The following EIF4B variants were observed in gnomAD, a reference collection of about 807,000 sequenced individuals.
The protein encoded by EIF4B is eukaryotic translation initiation factor 4B.
A neutral mutation model predicts 79.3 loss-of-function variants in EIF4B; 8 were observed. That is an observed-to-expected ratio of 0.10 (90% CI 0.06 to 0.18). The LOEUF is 0.18. Ranked by LOEUF, EIF4B falls within the 10% of genes least tolerant of loss-of-function variation. The pLI is 1.00. For missense variants in EIF4B, 515 were observed against 792.4 expected (o/e 0.65, Z 4.20); for synonymous variants, 238 against 274.7 (o/e 0.87, Z 1.32).
At chr12:53,025,870 G>T (rs1178961268) in intron 6 of EIF4B, among the ~76,000 whole-genome samples, 3 of 152,160 alleles carry the variant, frequency 2.0e-5, no homozygotes, top group African/African-American at 7.2e-5. Context: ...CACTTTGGGA[G>T]GCGGAGGCGG....
At chr12:53,017,938 C>T (rs553646752) in intron 2 of EIF4B, among the ~76,000 whole-genome samples, 229 of 152,300 alleles carry the variant, frequency 1.5e-3, no homozygotes, top group Admixed American at 5.4e-3. Context: ...GTGTTGGTAT[C>T]TGAAGTACAA....
chr12:53,037,966 C>G, intron 11 of EIF4B: 1 of 315,656 alleles, frequency 3.2e-6, no homozygotes, highest in Non-Finnish European at 5.9e-6. Flanking sequence ...AGCAAAATAG[C>G]AACACTATTA....
intron 8 of EIF4B, among the ~76,000 whole-genome samples, chr12:53,033,446 A>C (rs1943483917): frequency 6.7e-6 from 1 of 150,124 alleles, no homozygotes; most frequent in Non-Finnish European, 1.5e-5. Flanking sequence ...AGGTTCAAGC[A>C]ATTCTCTTGC....
intron 11 of EIF4B, 50 bp from the exon 12 acceptor site, chr12:53,038,306 G>C (rs1461810942): frequency 7.2e-6 from 11 of 1,520,334 alleles, no homozygotes; most frequent in Non-Finnish European, 9.7e-6. Flanking sequence ...TTTCTTGGTT[G>C]TTTTCTCCCT....
chr12:53,019,433 ATATATTTTTTTTTTTTCTTTTTT>A (rs1487849472), intron 3 of EIF4B, among the ~76,000 whole-genome samples: 1 of 32,910 alleles, frequency 3.0e-5, no homozygotes, highest in Non-Finnish European at 8.3e-5. Context: ...TTATATATAT[ATATATTTTTTTTTTTTCTTTTTT>A]TTTTTTTTTT....
At position 53,039,925 on chromosome 12, in the gene EIF4B, C is replaced by A. The variant is rs1356993; in HGVS notation, c.1756-218C>A. 60 of 725,992 alleles carry A rather than the reference C, an allele frequency of 8.3e-5. 1 individual carries two copies. In the East Asian group the frequency reaches 1.3e-3, roughly 16 times the overall value. 45.0% of individuals were successfully genotyped at this position (725,992 alleles called of 1,614,324 possible). A position where few individuals can be genotyped will look rare whatever the true frequency, so the allele number is the denominator to read the frequency against. ...TTTCTGTCTTCCTTTGTTCTCATCC[C>A]TTCTGCAAGGTGTAGAGGTGGTATG... On this transcript the variant is annotated intron_variant, in intron 14 of 14. Transcript: ENST00000262056.
chr12:53,037,359 C>T lies in EIF4B; in HGVS notation c.1307-50C>T, dbSNP rs556928639. ...CACACTGTTGAGATCCTGGTAGATG[C>T]GTGAGCATCTGCAGCCTGATAATTT... On this transcript the variant is annotated intron_variant, in intron 10 of 14. Coordinates refer to ENST00000262056, the MANE Select transcript of EIF4B (RefSeq NM_001417.7). 4.8e-4 allele frequency: 750 copies of T among 1,567,550 alleles called. 13 individuals carry two copies. The South Asian group carries it at 8.2e-3, about 17-fold the overall frequency.
chr12:53,027,137 A>ATTATTATTATTATTATTATTATTTTTTT (rs1943349413), intron 6 of EIF4B, among the ~76,000 whole-genome samples: 34 of 25,740 alleles, frequency 1.3e-3, no homozygotes, highest in African/African-American at 2.5e-3. Flanking sequence ...AAAAAAAAAA[A>ATTATTATTATTATTATTATTATTTTTTT]TTTTTTTTTT....
chr12:53,038,231 C>T (rs1486043134), intron 11 of EIF4B, 125 bp from the exon 12 acceptor site: 2 of 724,056 alleles, frequency 2.8e-6, no homozygotes, highest in African/African-American at 3.6e-5. Context: ...TTTTAATGTT[C>T]CATAACATTG....
intron 8 of EIF4B, among the ~76,000 whole-genome samples, chr12:53,031,217 T>TG (rs1163701302): frequency 6.6e-6 from 1 of 152,236 alleles, no homozygotes; most frequent in Admixed American, 6.5e-5. Context: ...CCCCATGGCC[T>TG]GGAACATAGC....
intron 8 of EIF4B, among the ~76,000 whole-genome samples, chr12:53,028,952 C>T (rs913160239): frequency 6.6e-6 from 1 of 151,986 alleles, no homozygotes; most frequent in Non-Finnish European, 1.5e-5. Flanking sequence ...ATGGTGAAAC[C>T]CCGTCTGTAC....
rs766914806 is a variant in EIF4B at position 53,034,647 on chromosome 12, G to C, written c.1244G>C (p.Arg415Pro). 1.2e-6 allele frequency: 2 copies of C among 1,613,976 alleles called. No homozygotes were observed. The highest frequency in any genetic ancestry group is 1.7e-6 in the Non-Finnish European group (2 of 1,179,870). The change falls in exon 10 of 15, where the codon CGG (arginine) becomes CCG (proline). Residue 415 changes from arginine to proline, a missense_variant. Physicochemically the swap from Arg to Pro is moderately radical, Grantham distance 103. Coordinates refer to ENST00000262056, the MANE Select transcript of EIF4B (RefSeq NM_001417.7). ...PSWRSEETQE[R>P]ERSRTGSESS... The stretch of plus-strand genomic sequence containing the variant: ...TGGCGAAGTGAAGAAACTCAGGAAC[G>C]GGAACGGTCGAGGACAGGAAGTGAG...
chr12:53,040,467 G>A lies in EIF4B; in HGVS notation c.*244G>A, dbSNP rs1375361092. The A allele has an allele frequency of 4.9e-6, 2 of 405,956 alleles. No individual in the cohort carries two copies. Among genetic ancestry groups the A allele is most frequent in the Non-Finnish European group, 9.1e-6 (2 of 220,610 alleles). The allele number at this position is 405,956 out of a possible 1,614,324, so 25.1% of individuals were successfully genotyped here. A position where few individuals can be genotyped will look rare whatever the true frequency, so the allele number is the denominator to read the frequency against. On this transcript the variant is annotated 3_prime_UTR_variant, in exon 15 of 15. Transcript: ENST00000262056. ...GGGACTACAGCTTTTTAGAGGAAAA[G>A]TTGTGGTGCGTTATGTCACCATGCA...
chr12:53,026,497 A>G (rs10783555), intron 6 of EIF4B, among the ~76,000 whole-genome samples: 126,136 of 152,192 alleles, frequency 0.83, 54,005 homozygotes, highest in East Asian at 0.97. Flanking sequence ...TTATTTCCTC[A>G]GTGAATTTCA....
chr12:53,027,740 G>A (rs1056456815), intron 6 of EIF4B, 42 bp from the exon 7 acceptor site: 4 of 1,591,750 alleles, frequency 2.5e-6, no homozygotes, highest in African/African-American at 1.3e-5. Context: ...TATTAATGGT[G>A]TCAGAGAAAA....
chr12:53,019,450 C>CTTTTTTTTTTTTTTTTTTTTTTTTTT (rs71095966), intron 3 of EIF4B, among the ~76,000 whole-genome samples: 4 of 65,998 alleles, frequency 6.1e-5, no homozygotes, highest in African/African-American at 9.7e-5. Context: ...TTTTTTTTTT[C>CTTTTTTTTTTTTTTTTTTTTTTTTTT]TTTTTTTTTT....
At position 53,018,848 on chromosome 12, in the gene EIF4B, A is replaced by C. The variant is rs370810378; in HGVS notation, c.202A>C (p.Ile68Leu). The change falls in exon 3 of 15, where the codon ATT becomes CTT. Residue 68 changes from isoleucine to leucine, a missense_variant. Ile to Leu is a conservative substitution (Grantham distance 5). Coordinates refer to ENST00000262056, the MANE Select transcript of EIF4B (RefSeq NM_001417.7). ...TGACGATGTGTATAGGGCGCCTCCA[A>C]TTGACCGTTCCATCCTTCCCACTGC... ...NDDDVYRAPP[I>L]DRSILPTAPR... is the part of the protein sequence containing the mutation. 6.2e-7 allele frequency: 1 copy of C among 1,613,406 alleles called. No individual in the cohort carries two copies. Among genetic ancestry groups the C allele is most frequent in the East Asian group, 2.2e-5 (1 of 44,892 alleles).
intron 6 of EIF4B, among the ~76,000 whole-genome samples, chr12:53,026,269 A>G (rs1943332416): frequency 6.6e-6 from 1 of 152,218 alleles, no homozygotes; most frequent in Admixed American, 6.5e-5. Flanking sequence ...GGAAGATCCT[A>G]GCAACAGTCA....
Position 53,033,650 on chromosome 12 carries a change from T to C in EIF4B, c.980-156T>C, listed in dbSNP as rs182191771. On this transcript the variant is annotated intron_variant, in intron 8 of 14. Coordinates refer to ENST00000262056, the MANE Select transcript of EIF4B (RefSeq NM_001417.7). ...GCCACCATGCCCAGCCTAAACTACC[T>C]GTTTTCTAATGATCTATTTGCCTTC... 3.8e-4 allele frequency among the ~76,000 whole-genome samples: 58 copies of C among 152,384 alleles called. No homozygotes were observed. The East Asian group carries it at 9.6e-3, about 25-fold the overall frequency.
Sources: allele counts gnomAD v4.1 joint callset (sites outside exome capture counted in the v4.1 genomes callset), GRCh38; gene constraint gnomAD v4.1.1; transcripts MANE v1.5; gene names NCBI Gene and HGNC (gene_info 2026-07-23, HGNC 2026-07-21).